Variants in LARGE1 observed in about 807,000 individuals in gnomAD.
LARGE1 encodes LARGE xylosyl- and glucuronyltransferase 1, also known as xylosyl- and glucuronyltransferase LARGE1.
A neutral mutation model predicts 87.6 loss-of-function variants in LARGE1; 43 were observed. The ratio of observed to expected loss-of-function variants is 0.49; its 90% CI spans 0.38 to 0.63. LARGE1 has a LOEUF of 0.63. LARGE1 is among the 30% of genes least tolerant of loss of function. The pLI is 0.00. For synonymous variants in LARGE1, 434 were observed against 394.6 expected (o/e 1.10, Z -1.18); for missense variants, 802 against 1,000.2 (o/e 0.80, Z 2.67).
At chr22:33,814,537 G>A (rs976008179) in intron 1 of LARGE1, among the ~76,000 whole-genome samples, 1 of 152,124 alleles carries the variant, frequency 6.6e-6, no homozygotes, top group Non-Finnish European at 1.5e-5. Context: ...TTGTATTGAT[G>A]GGCCTCATCT....
chr22:33,205,066 C>T (rs1924610303), intron 11 of LARGE1, among the ~76,000 whole-genome samples: 1 of 152,166 alleles, frequency 6.6e-6, no homozygotes, highest in Non-Finnish European at 1.5e-5. Flanking sequence ...GTCTGTGTAG[C>T]TCCTGATCAC....
intron 11 of LARGE1, among the ~76,000 whole-genome samples, chr22:33,211,496 G>C (rs1602098517): frequency 1.3e-5 from 2 of 152,294 alleles, no homozygotes; most frequent in South Asian, 4.1e-4. Flanking sequence ...TGTGAGGCTG[G>C]GCGTGGTGGC....
the LARGE1 span, among the ~76,000 whole-genome samples, chr22:33,072,210 A>G: frequency 6.6e-6 from 1 of 152,178 alleles, no homozygotes; most frequent in African/African-American, 2.4e-5. Context: ...TTTCTGTTTT[A>G]ATGTAGGCTG....
intron 2 of LARGE1, among the ~76,000 whole-genome samples, chr22:33,672,065 A>C (rs1239847722): frequency 2.6e-5 from 4 of 152,226 alleles, no homozygotes; most frequent in Non-Finnish European, 4.4e-5. Context: ...GGCAGTTCCA[A>C]AAGTTAGGAA....
intron 5 of LARGE1, among the ~76,000 whole-genome samples, chr22:33,594,096 T>C (rs1471520932): frequency 3.9e-5 from 6 of 152,224 alleles, no homozygotes; most frequent in Non-Finnish European, 2.9e-5. Context: ...AAAAGAAGGA[T>C]TGTGTTTTAA....
chr22:33,920,911 G>A (rs1395300421), upstream of LARGE1, among the ~76,000 whole-genome samples: 1 of 147,772 alleles, frequency 6.8e-6, no homozygotes, highest in African/African-American at 2.4e-5. Flanking sequence ...GCCGCCGCGC[G>A]GGAACCGGCA....
At chr22:33,907,631 G>A (rs780297965) in intron 1 of LARGE1, among the ~76,000 whole-genome samples, 19 of 151,724 alleles carry the variant, frequency 1.3e-4, no homozygotes, top group Admixed American at 2.6e-4. Context: ...GCAGTGGCGC[G>A]ATCTCGGCTC....
chr22:33,773,160 C>T (rs745765730), intron 1 of LARGE1, among the ~76,000 whole-genome samples: 14 of 152,162 alleles, frequency 9.2e-5, no homozygotes, highest in Non-Finnish European at 1.8e-4. Context: ...TGCCTCCCTC[C>T]GGGTCTGGGG....
chr22:33,761,387 A>T lies in LARGE1; in HGVS notation c.90T>A (p.Phe30Leu). 2 of 1,613,926 alleles carry T rather than the reference A, an allele frequency of 1.2e-6. No individual in the cohort carries two copies. Among genetic ancestry groups the T allele is most frequent in the Non-Finnish European group, 1.7e-6 (2 of 1,179,908 alleles). The change falls in exon 2 of 15, where the codon TTT (phenylalanine) becomes TTA (leucine). Residue 30 changes from phenylalanine to leucine, a missense_variant. By Grantham distance (22) the Phe-to-Leu change is conservative. Coordinates refer to ENST00000397394, the MANE Select transcript of LARGE1 (RefSeq NM_133642.5). ...CATTCTTACCTTCGAAGCTCCCAGAAAACAGGTAAATCCAGGTGATGGCTG... is the reference window on the plus strand; with the variant it reads ...CATTCTTACCTTCGAAGCTCCCAGATAACAGGTAAATCCAGGTGATGGCTG... Reference protein sequence around the residue: ...CIPAITWIYLFSGSFEDGKPV... With the variant: ...CIPAITWIYLLSGSFEDGKPV...
chr22:33,552,853 C>T (rs1461975085), intron 6 of LARGE1, among the ~76,000 whole-genome samples: 1 of 152,150 alleles, frequency 6.6e-6, no homozygotes, highest in Non-Finnish European at 1.5e-5. Flanking sequence ...AAAACACCTG[C>T]AAAATACTAG....
At chr22:33,871,953 C>T (rs1351795557) in intron 1 of LARGE1, among the ~76,000 whole-genome samples, 2 of 142,944 alleles carry the variant, frequency 1.4e-5, no homozygotes, top group African/African-American at 2.6e-5. Flanking sequence ...AGTCTCAGCA[C>T]CAGGAAGTCA....
chr22:33,116,554 G>T, the LARGE1 span, among the ~76,000 whole-genome samples: 1 of 151,336 alleles, frequency 6.6e-6, no homozygotes, highest in Non-Finnish European at 1.5e-5. Flanking sequence ...TAGTAGAGAC[G>T]GGGTTTCACC....
intron 11 of LARGE1, among the ~76,000 whole-genome samples, chr22:33,266,216 G>A (rs1446558681): frequency 7.2e-6 from 1 of 139,690 alleles, no homozygotes; most frequent in Non-Finnish European, 1.5e-5. Flanking sequence ...CTGATTTTCA[G>A]GGCTTTTTTT....
At chr22:33,249,101 A>T (rs988909861) in intron 11 of LARGE1, among the ~76,000 whole-genome samples, 3 of 152,188 alleles carry the variant, frequency 2.0e-5, no homozygotes, top group Non-Finnish European at 4.4e-5. Context: ...ATCACATGAT[A>T]AGAGTGTGTT....
the LARGE1 span, among the ~76,000 whole-genome samples, chr22:33,118,109 G>A: frequency 4.6e-5 from 7 of 152,212 alleles, no homozygotes; most frequent in South Asian, 8.3e-4. Flanking sequence ...AGGCAGGGTG[G>A]GGACACACAT....
At chr22:33,880,787 T>C (rs1193987858) in intron 1 of LARGE1, among the ~76,000 whole-genome samples, 1 of 152,232 alleles carries the variant, frequency 6.6e-6, no homozygotes, top group Non-Finnish European at 1.5e-5. Context: ...CTCTTACTTT[T>C]GACATACATA....
Position 33,182,052 on chromosome 22 carries a change from C to T in LARGE1, c.1731-15220G>A, listed in dbSNP as rs201785827. 2.7e-4 allele frequency among the ~76,000 whole-genome samples: 41 copies of T among 152,062 alleles called. No homozygotes were observed. In the East Asian group the frequency reaches 8.0e-3, roughly 30 times the overall value. ...GGCCAGGCTGGTCTCGAACTCCTGA[C>T]CTCAAGTAATCTCCCCGCCTTGGCC... On this transcript the variant is annotated intron_variant, in intron 11 of 11. Transcript: ENST00000608642.
chr22:33,451,751 G>T (rs1047827066), intron 6 of LARGE1, among the ~76,000 whole-genome samples: 3 of 152,016 alleles, frequency 2.0e-5, no homozygotes, highest in East Asian at 3.9e-4. Context: ...TAGAGACGGG[G>T]TTTCACCATG....
intron 2 of LARGE1, among the ~76,000 whole-genome samples, chr22:33,686,956 T>C (rs1255717321): frequency 6.6e-6 from 1 of 152,220 alleles, no homozygotes; most frequent in African/African-American, 2.4e-5. Context: ...AAGCTCAATC[T>C]CCTTGCTAGC....
Sources: gnomAD v4.1 joint callset for allele counts (sites outside exome capture counted in the v4.1 genomes callset) on GRCh38, gnomAD v4.1.1 for gene constraint, MANE v1.5 for transcripts, NCBI Gene and HGNC (gene_info 2026-07-23, HGNC 2026-07-21) for gene names.